Variants in ADAMTSL1 observed in about 807,000 individuals in gnomAD.
ADAMTSL1 encodes the protein ADAMTS like 1.
ADAMTSL1 carries 126 observed loss-of-function variants against 201.8 expected under a neutral mutation model. That is an observed-to-expected ratio of 0.62 (90% CI 0.54 to 0.72). ADAMTSL1 has a LOEUF of 0.72. Among genes scored for constraint, ADAMTSL1 ranks in the 30% least tolerant of loss-of-function variants. The pLI, the probability that ADAMTSL1 is intolerant of heterozygous loss-of-function variation, is 0.00. For missense variants in ADAMTSL1, 2,679 were observed against 2,277.8 expected, an observed-to-expected ratio of 1.18 and a Z score of -3.59; for synonymous variants, 1,121 against 903.4, an observed-to-expected ratio of 1.24 and a Z score of -4.32.
At chr9:18,636,100 C>A in intron 6 of ADAMTSL1, 83 bp downstream of exon 6, 1 of 1,129,736 alleles carries the variant, frequency 8.9e-7, no homozygotes, top group Non-Finnish European at 1.2e-6. Context: ...AAGATTAAAA[C>A]ACAAGAATAC....
intron 9 of ADAMTSL1, among the ~76,000 whole-genome samples, chr9:18,666,007 T>G (rs1829406565): frequency 6.6e-6 from 1 of 152,154 alleles, no homozygotes; most frequent in Non-Finnish European, 1.5e-5. Flanking sequence ...AGATCATACT[T>G]TATACAGTAG....
intron 1 of ADAMTSL1, among the ~76,000 whole-genome samples, chr9:18,489,526 C>A (rs1587358200): frequency 6.6e-6 from 1 of 151,938 alleles, no homozygotes; most frequent in South Asian, 2.1e-4. Flanking sequence ...ACTTTTCATT[C>A]AAAAAATAGG....
chr9:18,575,100 T>C (rs1822624018), intron 4 of ADAMTSL1, among the ~76,000 whole-genome samples: 1 of 152,188 alleles, frequency 6.6e-6, no homozygotes, highest in East Asian at 1.9e-4. Context: ...AAATTTTCTC[T>C]CTTCAGAATG....
At chr9:18,388,497 G>C (rs1270048425) in intron 2 of ADAMTSL1, among the ~76,000 whole-genome samples, 1 of 151,914 alleles carries the variant, frequency 6.6e-6, no homozygotes, top group Non-Finnish European at 1.5e-5. Context: ...TGGTTTCGAA[G>C]TCCTGACCTC....
At chr9:18,405,366 G>A (rs1417098414) in intron 2 of ADAMTSL1, among the ~76,000 whole-genome samples, 4 of 152,168 alleles carry the variant, frequency 2.6e-5, no homozygotes, top group Non-Finnish European at 5.9e-5. Flanking sequence ...AGGTTGGTGA[G>A]AGGATGGAAA....
intron 2 of ADAMTSL1, among the ~76,000 whole-genome samples, chr9:18,279,913 T>C (rs139364864): frequency 4.4e-4 from 64 of 146,988 alleles, no homozygotes; most frequent in African/African-American, 1.6e-3. Context: ...GGCCTGGAGG[T>C]GGATTATAAG....
At chr9:18,529,689 A>G (rs1055343420) in intron 2 of ADAMTSL1, among the ~76,000 whole-genome samples, 2 of 152,184 alleles carry the variant, frequency 1.3e-5, no homozygotes, top group African/African-American at 2.4e-5. Context: ...TGTTTCTGTT[A>G]TAGTTCACAA....
intron 1 of ADAMTSL1, among the ~76,000 whole-genome samples, chr9:18,082,080 A>G (rs1007140867): frequency 7.9e-5 from 12 of 152,232 alleles, no homozygotes; most frequent in African/African-American, 2.9e-4. Flanking sequence ...TTTTTAACAC[A>G]AAACCAAAAT....
intron 1 of ADAMTSL1, among the ~76,000 whole-genome samples, chr9:18,501,475 G>A (rs933878351): frequency 2.7e-4 from 37 of 134,952 alleles, no homozygotes; most frequent in African/African-American, 9.2e-4. Context: ...CTGCACTCCA[G>A]CCTGGGCAAC....
intron 1 of ADAMTSL1, among the ~76,000 whole-genome samples, chr9:18,055,140 T>C (rs1024101401): frequency 3.3e-5 from 5 of 152,156 alleles, no homozygotes; most frequent in Admixed American, 2.0e-4. Context: ...CATAATGAAA[T>C]TACAGCACTT....
rs945860570 is a variant in ADAMTSL1, at chr9:18,772,716, G to A, written c.2397+1935G>A. 2.6e-5 allele frequency among the ~76,000 whole-genome samples: 4 copies of A among 152,216 alleles called. No individual in the cohort carries two copies. In the East Asian group the frequency reaches 7.7e-4, roughly 29 times the overall value. On this transcript the variant is annotated intron_variant, in intron 17 of 28. Coordinates refer to ENST00000380548, the MANE Select transcript of ADAMTSL1 (RefSeq NM_001040272.6). ...CTACTAAAAGTGAACCCTTATGATT[G>A]TCTTCCATTTGGGCTCACTTGTCAT...
chr9:17,992,189 A>C (rs1229269801), intron 1 of ADAMTSL1, among the ~76,000 whole-genome samples: 1 of 152,060 alleles, frequency 6.6e-6, no homozygotes, highest in African/African-American at 2.4e-5. Context: ...TTTCCTGGTT[A>C]TATTCCAGGT....
intron 2 of ADAMTSL1, among the ~76,000 whole-genome samples, chr9:18,183,964 A>G (rs936981456): frequency 6.6e-6 from 1 of 152,184 alleles, no homozygotes; most frequent in African/African-American, 2.4e-5. Flanking sequence ...TTTAAATCTG[A>G]GACATTGTTT....
At chr9:18,144,910 A>G (rs1357489441) in intron 1 of ADAMTSL1, among the ~76,000 whole-genome samples, 1 of 152,166 alleles carries the variant, frequency 6.6e-6, no homozygotes, top group Non-Finnish European at 1.5e-5. Context: ...TCTCAGCATG[A>G]TAAAGATATT....
At chr9:18,461,885 C>T (rs1171185084) in intron 2 of ADAMTSL1, among the ~76,000 whole-genome samples, 1 of 152,102 alleles carries the variant, frequency 6.6e-6, no homozygotes. Flanking sequence ...CTCCACTCCC[C>T]CATTCCCTGA....
At chr9:18,142,506 C>T (rs1328249278) in intron 1 of ADAMTSL1, among the ~76,000 whole-genome samples, 3 of 152,212 alleles carry the variant, frequency 2.0e-5, no homozygotes, top group Non-Finnish European at 2.9e-5. Flanking sequence ...TCACCTAATT[C>T]TGTCCCTCAG....
At chr9:18,439,492 G>T (rs562297298) in intron 2 of ADAMTSL1, among the ~76,000 whole-genome samples, 1 of 152,092 alleles carries the variant, frequency 6.6e-6, no homozygotes, top group East Asian at 1.9e-4. Context: ...TCAGCCTCCC[G>T]AGTAGCTGGG....
intron 1 of ADAMTSL1, among the ~76,000 whole-genome samples, chr9:18,023,518 C>G (rs576980807): frequency 6.6e-6 from 1 of 152,292 alleles, no homozygotes; most frequent in South Asian, 2.1e-4. Context: ...CTCCAAATTG[C>G]TTTTAATCTT....
intron 2 of ADAMTSL1, among the ~76,000 whole-genome samples, chr9:18,370,123 T>C (rs1258395679): frequency 6.6e-6 from 1 of 151,880 alleles, no homozygotes; most frequent in African/African-American, 2.4e-5. Context: ...CTACTAAAAA[T>C]ACAAAAATTA....
Sources: gnomAD v4.1 joint callset for allele counts (sites outside exome capture counted in the v4.1 genomes callset) on GRCh38, gnomAD v4.1.1 for gene constraint, MANE v1.5 for transcripts, NCBI Gene and HGNC (gene_info 2026-07-23, HGNC 2026-07-21) for gene names.